CABIN1: variants seen among roughly 807,000 people sequenced by gnomAD.
CABIN1 encodes calcineurin binding protein 1.
Under a neutral mutation model 227.7 loss-of-function variants are expected in CABIN1, and 133 were observed. The ratio of observed to expected loss-of-function variants is 0.58; its 90% CI spans 0.51 to 0.67. The LOEUF is 0.67. CABIN1 is among the 30% of genes least tolerant of loss of function. The pLI is 0.00. For synonymous variants in CABIN1, 1,086 were observed against 1,155.1 expected (o/e 0.94, Z 1.21); for missense variants, 2,408 against 2,852.5 (o/e 0.84, Z 3.55).
intron 19 of CABIN1, among the ~76,000 whole-genome samples, chr22:24,076,976 C>T: frequency 6.6e-6 from 1 of 152,212 alleles, no homozygotes; most frequent in East Asian, 1.9e-4. Context: ...TGGGATATAA[C>T]CATGCCCATT....
At position 24,066,054 on chromosome 22, in the gene CABIN1, G is replaced by A. The variant is rs114449002; in HGVS notation, c.2038-933G>A. Among the ~76,000 whole-genome samples the A allele has an allele frequency of 6.5e-3, 988 of 152,338 alleles. 11 individuals are homozygous for A. The highest frequency in any genetic ancestry group is 0.023 in the African/African-American group (958 of 41,578). On this transcript the variant is annotated intron_variant, in intron 15 of 36. Coordinates refer to ENST00000263119, the MANE Select transcript of CABIN1 (RefSeq NM_012295.4). ...GAGAGGGAGACCGTAGGGAGAGGGAGAGGGAGTGAAAGGTTTTAAATGGTA... is the reference window on the plus strand; with the variant it reads ...GAGAGGGAGACCGTAGGGAGAGGGAAAGGGAGTGAAAGGTTTTAAATGGTA...
chr22:24,134,132 T>A (rs1440691467), intron 28 of CABIN1, among the ~76,000 whole-genome samples, 170 bp from the exon 29 acceptor site: 2 of 152,200 alleles, frequency 1.3e-5, no homozygotes, highest in Non-Finnish European at 2.9e-5. Flanking sequence ...CACAGCCTGA[T>A]GATCAAAGCC....
At chr22:24,050,456 T>A (rs1449860431) in intron 7 of CABIN1, among the ~76,000 whole-genome samples, 1 of 152,220 alleles carries the variant, frequency 6.6e-6, no homozygotes, top group East Asian at 1.9e-4. Flanking sequence ...TCCGATGACT[T>A]TTTGTTGGCA....
chr22:24,120,588 G>A (rs2043351345), intron 28 of CABIN1, among the ~76,000 whole-genome samples: 1 of 152,162 alleles, frequency 6.6e-6, no homozygotes, highest in Non-Finnish European at 1.5e-5. Context: ...TTGGGAGGCT[G>A]AGGCAGGGGG....
chr22:24,034,503 A>G (rs1246234627), intron 1 of CABIN1, among the ~76,000 whole-genome samples: 1 of 152,218 alleles, frequency 6.6e-6, no homozygotes, highest in Non-Finnish European at 1.5e-5. Flanking sequence ...TTATCCATTC[A>G]TCAGTTGGTG....
intron 3 of CABIN1, among the ~76,000 whole-genome samples, chr22:24,037,259 CAAAAAA>C (rs71184942): frequency 1.9e-5 from 1 of 52,634 alleles, no homozygotes; most frequent in African/African-American, 6.8e-5. Flanking sequence ...GACCCCGTCT[CAAAAAA>C]AAAAAAAAAA....
intron 35 of CABIN1, 152 bp downstream of exon 35, chr22:24,176,427 G>C: frequency 1.1e-6 from 1 of 899,448 alleles, no homozygotes; most frequent in Non-Finnish European, 1.7e-6. Flanking sequence ...AGTGCAGGCT[G>C]GACAGGGGAG....
chr22:24,070,908 G>A lies in CABIN1; in HGVS notation c.2341G>A (p.Glu781Lys). Residue 781 changes from glutamate to lysine, a missense_variant, in exon 17 of 37, where the codon GAG (glutamate) becomes AAG (lysine). Physicochemically the swap from Glu to Lys is moderately conservative, Grantham distance 56 (BLOSUM62 1). Transcript: ENST00000263119. ...MVNSGEAAAKEEWVATVTQLL... is the reference protein window; with the variant it reads ...MVNSGEAAAKKEWVATVTQLL... Reference sequence around the variant, plus strand: ...GAACTCAGGTGAGGCTGCCGCCAAGGAGGAGTGGGTGGCCACAGTGACCCA... The same window carrying A: ...GAACTCAGGTGAGGCTGCCGCCAAGAAGGAGTGGGTGGCCACAGTGACCCA... 1 of 1,614,244 alleles carries A rather than the reference G, an allele frequency of 6.2e-7. No homozygotes were observed. The highest frequency in any genetic ancestry group is 8.5e-7 in the Non-Finnish European group (1 of 1,180,044).
rs1261771719 is a variant in CABIN1, at chr22:24,112,280, G to A, written c.4118-1286G>A. Among the ~76,000 whole-genome samples, 4 of 152,174 alleles carry A rather than the reference G, an allele frequency of 2.6e-5. No homozygotes were observed. In the East Asian group the frequency reaches 7.7e-4, roughly 29 times the overall value. On this transcript the variant is annotated intron_variant, in intron 26 of 36. Transcript: ENST00000263119. The stretch of plus-strand genomic sequence containing the variant: ...TCTTTTGTTTCTAGGCTTTTAGTAG[G>A]GAAAGTTGAGTTAGGCTAGTCAGAA...
chr22:24,118,024 A>G (rs536023356), intron 27 of CABIN1, among the ~76,000 whole-genome samples: 2 of 152,324 alleles, frequency 1.3e-5, no homozygotes, highest in East Asian at 3.9e-4. Context: ...GGAAGGAGCT[A>G]GGACCTCCTG....
intron 28 of CABIN1, among the ~76,000 whole-genome samples, chr22:24,123,351 C>T (rs1378204953): frequency 6.6e-6 from 1 of 152,224 alleles, no homozygotes; most frequent in Non-Finnish European, 1.5e-5. Flanking sequence ...CCCACAGCCA[C>T]ACTGCCTACC....
rs1442273156 is a variant in CABIN1 at position 24,063,050 on chromosome 22, G to C, written c.1788G>C (p.Leu596=). 3 of 1,614,098 alleles carry C rather than the reference G, an allele frequency of 1.9e-6. No individual in the cohort carries two copies. In the African/African-American group the frequency reaches 4.0e-5, roughly 22 times the overall value. The change falls in exon 14 of 37, where the codon CTG becomes CTC. Residue 596 remains leucine (L), a synonymous_variant. Transcript: ENST00000263119. ...ACTGCCTGGGTGACCTCCTACAGCT[G>C]TCATTTGCCTCGTCCCAGCGCGACC... ...GTHCLGDLLQ[L]SFASSQRDLF...
intron 29 of CABIN1, among the ~76,000 whole-genome samples, chr22:24,157,590 G>C (rs1037441777): frequency 1.3e-5 from 2 of 152,216 alleles, no homozygotes; most frequent in Non-Finnish European, 2.9e-5. Context: ...TGGGCAGGCA[G>C]CCTGTGAAGA....
At chr22:24,174,594 G>C (rs927461586) in intron 34 of CABIN1, among the ~76,000 whole-genome samples, 2 of 152,090 alleles carry the variant, frequency 1.3e-5, no homozygotes, top group Non-Finnish European at 2.9e-5. Flanking sequence ...AGTTTTTGAG[G>C]GTCAGGAATT....
chr22:24,171,849 A>C lies in CABIN1; in HGVS notation c.5894A>C (p.Lys1965Thr), dbSNP rs765970071. ...SVQRPSDAHT[K>T]PRPALAAATT... ...CAGCGGCCCAGTGATGCTCACACCAAGCCTCGCCCTGCACTAGCTGCCGCC... is the reference window on the plus strand; with the variant it reads ...CAGCGGCCCAGTGATGCTCACACCACGCCTCGCCCTGCACTAGCTGCCGCC... The change falls in exon 34 of 37, where the codon AAG becomes ACG. Residue 1965 changes from lysine to threonine, a missense_variant. Transcript: ENST00000263119. 10 of 1,614,098 alleles carry C rather than the reference A, an allele frequency of 6.2e-6. No individual in the cohort carries two copies. In the South Asian group the frequency reaches 1.1e-4, roughly 18 times the overall value.
intron 15 of CABIN1, among the ~76,000 whole-genome samples, chr22:24,064,466 C>T (rs566153188): frequency 2.7e-5 from 4 of 149,240 alleles, no homozygotes; most frequent in Non-Finnish European, 5.9e-5. Flanking sequence ...CTTGGCCTCT[C>T]GCAGTGCTGG....
intron 6 of CABIN1, among the ~76,000 whole-genome samples, chr22:24,044,572 T>C (rs2037695497): frequency 6.6e-6 from 1 of 152,236 alleles, no homozygotes; most frequent in South Asian, 2.1e-4. Flanking sequence ...TGCCCTCTTA[T>C]TTTCTCTATT....
chr22:24,056,307 A>G lies in CABIN1; in HGVS notation c.1209A>G (p.Lys403=). The G allele has an allele frequency of 2.5e-6, 4 of 1,614,042 alleles. No individual in the cohort carries two copies. The South Asian group carries it at 3.3e-5, about 13-fold the overall frequency. Residue 403 remains lysine, a synonymous_variant, in exon 10 of 37, where the codon AAA becomes AAG. Coordinates refer to ENST00000263119, the MANE Select transcript of CABIN1 (RefSeq NM_012295.4). Reference sequence around the variant, plus strand: ...CCCGTGTCCGAAACACCAAGTGCAAAAAAGAAGAGAAAGTAGACTTCCAGG... The same window carrying G: ...CCCGTGTCCGAAACACCAAGTGCAAGAAAGAAGAGAAAGTAGACTTCCAGG... ...RSARVRNTKC[K]KEEKVDFQEL... is the part of the protein sequence containing the mutation.
At chr22:24,168,548 C>T (rs201106809) in intron 33 of CABIN1, 27 bp downstream of exon 33, 38 of 1,529,756 alleles carry the variant, frequency 2.5e-5, no homozygotes, top group East Asian at 7.3e-5. Context: ...CTGTGCCAGC[C>T]TCATCTTGCG....
Sources: allele counts gnomAD v4.1 joint callset (sites outside exome capture counted in the v4.1 genomes callset), GRCh38; gene constraint gnomAD v4.1.1; transcripts MANE v1.5; gene names NCBI Gene and HGNC (gene_info 2026-07-23, HGNC 2026-07-21).